The following FGF13 variants were observed in gnomAD, a reference collection of about 807,000 sequenced individuals.
The protein encoded by FGF13 is fibroblast growth factor homologous factor 2.
In FGF13, 2 loss-of-function variants were observed where a neutral mutation model predicts 19.5. The observed-to-expected ratio is 0.10, with a 90% CI of 0.04 to 0.32. The LOEUF (loss-of-function observed/expected upper bound fraction) is 0.32. Among genes scored for constraint, FGF13 ranks in the 10% least tolerant of loss-of-function variants. FGF13 has a pLI of 1.00. For synonymous variants in FGF13, 72 were observed against 76.9 expected (o/e 0.94, Z 0.33); for missense variants, 113 against 192.7 (o/e 0.59, Z 2.45).
chrX:139,150,056 G>T (rs1296732475), intron 1 of FGF13, among the ~76,000 whole-genome samples: 1 of 111,619 alleles, frequency 9.0e-6, no homozygotes, highest in Non-Finnish European at 1.9e-5. Flanking sequence ...TTTTTACAGG[G>T]TTGGCTAATT....
chrX:138,898,357 C>T (rs910277514), intron 1 of FGF13, among the ~76,000 whole-genome samples: 4 of 111,909 alleles, frequency 3.6e-5, no homozygotes, highest in African/African-American at 1.3e-4. Flanking sequence ...ATTTCTTGAA[C>T]ATCTAGTGGG....
At chrX:138,680,886 G>T (rs947948747) in intron 3 of FGF13, among the ~76,000 whole-genome samples, 1 of 110,937 alleles carries the variant, frequency 9.0e-6, no homozygotes, top group Non-Finnish European at 1.9e-5. Flanking sequence ...TTGAAAATCT[G>T]TATGGCCGAG....
At chrX:138,812,262 G>C (rs1217214289) in intron 3 of FGF13, among the ~76,000 whole-genome samples, 1 of 111,918 alleles carries the variant, frequency 8.9e-6, no homozygotes, top group Non-Finnish European at 1.9e-5. Context: ...TATCATAATA[G>C]TAGTACAGAC....
chrX:139,003,131 C>T (rs1024659073), intron 1 of FGF13, among the ~76,000 whole-genome samples: 8 of 111,620 alleles, frequency 7.2e-5, no homozygotes, highest in African/African-American at 2.6e-4. Flanking sequence ...CTTAAGATGG[C>T]GCGTCTGGAG....
chrX:139,203,521 G>C (rs1240148816), exon 1 of FGF13: 2 of 80,343 alleles, frequency 2.5e-5, no homozygotes, highest in African/African-American at 1.2e-4. Context: ...GGGGGGGAAG[G>C]AGGTGGTGGG....
chrX:138,999,967 C>T (rs775725416), intron 1 of FGF13, among the ~76,000 whole-genome samples: 1 of 111,903 alleles, frequency 8.9e-6, no homozygotes, highest in African/African-American at 3.2e-5. Flanking sequence ...TCCAGCAGCA[C>T]ATCAAAAAGC....
intron 3 of FGF13, among the ~76,000 whole-genome samples, chrX:138,810,980 G>C (rs759368637): frequency 1.6e-4 from 18 of 111,679 alleles, no homozygotes; most frequent in South Asian, 1.5e-3. Context: ...AATAGGAACA[G>C]TTTTACACTG....
intron 1 of FGF13, among the ~76,000 whole-genome samples, chrX:139,109,161 G>A (rs2083582689): frequency 8.9e-6 from 1 of 111,850 alleles, no homozygotes; most frequent in African/African-American, 3.3e-5. Context: ...TGAATGCAAG[G>A]AAGAACCAGG....
At position 138,755,219 on chromosome X, in the gene FGF13, C is replaced by G. The variant is rs2090424538; in HGVS notation, c.218-46291G>C. ...CCTGGTTTCACTCACCACCATATCC[C>G]TAGCACCTAACTCCATGCCTTGCAC... On this transcript the variant is annotated intron_variant, in intron 3 of 6. Transcript: ENST00000436198. Among the ~76,000 whole-genome samples the G allele has an allele frequency of 2.7e-5, 3 of 112,172 alleles. No individual in the cohort carries two copies. In the Admixed American group the frequency reaches 2.9e-4, roughly 11 times the overall value.
At chrX:139,162,291 A>G (rs1244474458) in intron 1 of FGF13, among the ~76,000 whole-genome samples, 12 of 112,255 alleles carry the variant, frequency 1.1e-4, no homozygotes, top group Non-Finnish European at 1.9e-4. Context: ...AAAACAAGCA[A>G]TGGGGAAAGG....
intron 1 of FGF13, among the ~76,000 whole-genome samples, chrX:138,874,254 T>G (rs1235066518): frequency 4.6e-5 from 5 of 107,847 alleles, no homozygotes; most frequent in Non-Finnish European, 9.6e-5. Flanking sequence ...TAATGGACAG[T>G]TAAGTAGAAT....
intron 1 of FGF13, among the ~76,000 whole-genome samples, chrX:139,068,332 T>A (rs146595895): frequency 0.17 from 16,600 of 98,829 alleles, 2,244 homozygotes; most frequent in African/African-American, 0.36. Context: ...TCTGTTCTGT[T>A]CCATGGATCT....
At chrX:138,952,628 G>A (rs750475680) in intron 1 of FGF13, among the ~76,000 whole-genome samples, 177 of 111,373 alleles carry the variant, frequency 1.6e-3, no homozygotes, top group African/African-American at 5.6e-3. Flanking sequence ...ACTACCATCA[G>A]AGTGAACAGG....
intron 3 of FGF13, among the ~76,000 whole-genome samples, chrX:138,636,257 C>G (rs148265493): frequency 1.4e-3 from 158 of 111,868 alleles, no homozygotes; most frequent in African/African-American, 5.1e-3. Flanking sequence ...CCCCTCACCC[C>G]ATCCTTGCCT....
At chrX:139,068,778 C>T (rs1321728079) in intron 1 of FGF13, among the ~76,000 whole-genome samples, 1 of 111,018 alleles carries the variant, frequency 9.0e-6, no homozygotes, top group African/African-American at 3.3e-5. Flanking sequence ...CATGATTTGA[C>T]TCTCTGTTTG....
chrX:139,000,221 C>T lies in FGF13; in HGVS notation c.-112-135571G>A, dbSNP rs148160845. Among the ~76,000 whole-genome samples, 151 of 111,714 alleles carry T rather than the reference C, an allele frequency of 1.4e-3. 1 individual carries two copies. Among genetic ancestry groups the T allele is most frequent in the Non-Finnish European group, 2.4e-3 (130 of 53,154 alleles). ...AGACCTATTTATGACAAACCCACAG[C>T]CAATATCATATGGAATGGGTAAAAA... On this transcript the variant is annotated intron_variant, in intron 1 of 2. Coordinates refer to the FGF13 transcript ENST00000421460.
intron 1 of FGF13, among the ~76,000 whole-genome samples, chrX:139,110,212 A>C (rs1286731377): frequency 9.0e-6 from 1 of 110,515 alleles, no homozygotes; most frequent in Admixed American, 9.7e-5. Context: ...TCTTATGTAC[A>C]TATAATGTAT....
chrX:138,857,412 C>G (rs957953844), downstream of FGF13: 7 of 887,734 alleles, frequency 7.9e-6, no homozygotes, highest in Middle Eastern at 1.2e-3. Flanking sequence ...AGGGCCTGAA[C>G]AACACACAGC....
chrX:139,186,862 T>A (rs2084287071), intron 1 of FGF13, among the ~76,000 whole-genome samples: 2 of 111,896 alleles, frequency 1.8e-5, no homozygotes, highest in East Asian at 2.8e-4. Context: ...ACTTTTCTGA[T>A]CCCAGCCGAT....
Sources: allele counts gnomAD v4.1 joint callset (sites outside exome capture counted in the v4.1 genomes callset), GRCh38; gene constraint gnomAD v4.1.1; transcripts MANE v1.5; gene names NCBI Gene and HGNC (gene_info 2026-07-23, HGNC 2026-07-21).